DNAH2: variants seen among roughly 807,000 people sequenced by gnomAD.
DNAH2 encodes the protein dynein axonemal heavy chain 2.
A neutral mutation model predicts 523.5 loss-of-function variants in DNAH2; 323 were observed. The ratio of observed to expected loss-of-function variants is 0.62; its 90% confidence interval spans 0.56 to 0.68. The LOEUF (loss-of-function observed/expected upper bound fraction) is 0.68, where lower values mean the gene tolerates loss of function less well. Among genes scored for constraint, DNAH2 ranks in the 30% least tolerant of loss-of-function variants. DNAH2 has a pLI of 0.00. For synonymous variants in DNAH2, 2,093 were observed against 2,177.4 expected (o/e 0.96, Z 1.08); for missense variants, 4,907 against 5,701.5 (o/e 0.86, Z 4.49).
intron 73 of DNAH2, 70 bp from the exon 74 acceptor site, chr17:7,823,372 G>GAGGAGA (rs1278464587): frequency 9.3e-7 from 1 of 1,071,890 alleles, no homozygotes; most frequent in East Asian, 2.7e-5. Context: ...AGAGAGAGAG[G>GAGGAGA]AGAAAAAGAT....
intron 44 of DNAH2, among the ~76,000 whole-genome samples, chr17:7,790,612 C>T (rs926115955): frequency 4.6e-5 from 7 of 152,170 alleles, no homozygotes; most frequent in African/African-American, 1.7e-4. Context: ...AAGCTAAAGT[C>T]CTTTTTGTTC....
intron 55 of DNAH2, 57 bp from the exon 56 acceptor site, chr17:7,799,046 C>G (rs1218587555): frequency 1.3e-6 from 2 of 1,594,616 alleles, no homozygotes; most frequent in Non-Finnish European, 1.7e-6. Flanking sequence ...ACCCGCTGCC[C>G]CCGCTGATTC....
In DNAH2 at chr17:7,830,380, T is replaced by C. The variant is rs1406532613; in HGVS notation, c.11934T>C (p.Tyr3978=). ...QFSRCSKPAK[Y]KKLLFSLCFF... ...CCCGCTGCTCCAAACCTGCCAAATA[T>C]AAGAAGCTGCTGTTTTCACTCTGTT... Residue 3978 remains tyrosine, a synonymous_variant, in exon 78 of 86, where the codon TAT becomes TAC. Coordinates refer to ENST00000572933, the MANE Select transcript of DNAH2 (RefSeq NM_020877.5). 1.9e-6 allele frequency: 3 copies of C among 1,614,236 alleles called. No individual in the cohort carries two copies. The highest frequency in any genetic ancestry group is 1.1e-5 in the South Asian group (1 of 91,088).
At position 7,805,544 on chromosome 17, in the gene DNAH2, A is replaced by G; in HGVS notation, c.9442+151A>G. 5 of 1,209,382 alleles carry G rather than the reference A, an allele frequency of 4.1e-6. No individual in the cohort carries two copies. In the South Asian group the frequency reaches 6.0e-5, roughly 15 times the overall value. 74.9% of individuals were successfully genotyped at this position (1,209,382 alleles called of 1,614,324 possible). A position where few individuals can be genotyped will look rare whatever the true frequency, so the allele number is the denominator to read the frequency against. On this transcript the variant is annotated intron_variant, in intron 61 of 85. Coordinates refer to ENST00000572933, the MANE Select transcript of DNAH2 (RefSeq NM_020877.5). ...GCCTAGTAGAAAGGAGACCGCATGA[A>G]TATCAGTTAAGGTTCTTTGGTTGTG...
Position 7,795,751 on chromosome 17 carries a change from C to T in DNAH2, c.7675-713C>T, listed in dbSNP as rs1335991872. Among the ~76,000 whole-genome samples, 5 of 147,634 alleles carry T rather than the reference C, an allele frequency of 3.4e-5. No individual in the cohort carries two copies. The East Asian group carries it at 9.8e-4, about 29-fold the overall frequency. ...GTAGCTCTCGCCTGTAATCCCAGCA[C>T]TTTGGGAGGCCAAAGCAGGTGGATC... On this transcript the variant is annotated intron_variant, in intron 49 of 85. Transcript: ENST00000572933.
In DNAH2 at chr17:7,786,311, G is replaced by T; in HGVS notation, c.6317G>T (p.Arg2106Leu). The change falls in exon 40 of 86, where the codon CGC becomes CTC. Residue 2106 changes from arginine (R) to leucine (L), a missense_variant. Coordinates refer to ENST00000572933, the MANE Select transcript of DNAH2 (RefSeq NM_020877.5). The surrounding 1 kb of genome is among the most constrained non-coding windows in gnomAD (Gnocchi z 7.5). The part of the protein sequence containing the change: ...ILQASLSSLC[R>L]AGDPNFNIVR... ...CAGGCCTCCCTGTCCTCTCTGTGCC[G>T]CGCCGGAGACCCTAACTTCAACATT... is the stretch of plus-strand genomic sequence containing the variant. The T allele has an allele frequency of 6.2e-7, 1 of 1,613,432 alleles. No individual in the cohort carries two copies.
intron 50 of DNAH2, 59 bp from the exon 51 acceptor site, chr17:7,797,117 A>T: frequency 6.7e-7 from 1 of 1,500,254 alleles, no homozygotes; most frequent in Non-Finnish European, 9.1e-7. Flanking sequence ...AAAAAAAAAA[A>T]AAAACTTCTG....
intron 74 of DNAH2, 27 bp from the exon 75 acceptor site, chr17:7,823,806 TC>T (rs2077937075): frequency 2.5e-6 from 4 of 1,610,756 alleles, no homozygotes; most frequent in Non-Finnish European, 3.4e-6. Flanking sequence ...TCACTCCCTC[TC>T]CCTGCAATGA....
chr17:7,818,001 C>T lies in DNAH2; in HGVS notation c.10292C>T (p.Ala3431Val), dbSNP rs369546788. ...GATTACCTGCGAATCCTAGAACACG[C>T]CATTCACTTTGGATACCCGGTGCTA... ...MSDYLRILEH[A>V]IHFGYPVLLQ... The change falls in exon 68 of 86, where the codon GCC becomes GTC. Residue 3431 changes from alanine to valine, a missense_variant. This residue lies in a region of DNAH2 where 1,851 missense variants were observed against 2,139.4 expected (regional missense o/e 0.87). Transcript: ENST00000572933. 1.1e-5 allele frequency: 18 copies of T among 1,614,032 alleles called. No individual in the cohort carries two copies. Among genetic ancestry groups the T allele is most frequent in the Middle Eastern group, 1.6e-4 (1 of 6,084 alleles).
At chr17:7,784,257 A>G (rs1331039269) in intron 39 of DNAH2, among the ~76,000 whole-genome samples, 1 of 152,240 alleles carries the variant, frequency 6.6e-6, no homozygotes, top group African/African-American at 2.4e-5. Context: ...CAAATCTAGT[A>G]TCATAGTGGA....
intron 68 of DNAH2, 43 bp from the exon 69 acceptor site, chr17:7,818,269 C>A: frequency 6.2e-7 from 1 of 1,610,170 alleles, no homozygotes; most frequent in Non-Finnish European, 8.5e-7. Context: ...TAGCTGGTAC[C>A]CATCACATGG....
intron 24 of DNAH2, among the ~76,000 whole-genome samples, chr17:7,769,013 G>A (rs1002797927): frequency 6.6e-6 from 1 of 152,088 alleles, no homozygotes. Flanking sequence ...AACATGTGGC[G>A]CAGACACCAA....
rs1785786103 is a variant in DNAH2, at chr17:7,765,388, CAGGTCCTGG to C, written c.3337_3345del (p.Val1113_Glu1115del). On this transcript the variant is annotated splice_acceptor_variant and coding_sequence_variant, in exon 21 of 86. Transcript: ENST00000572933. LOFTEE classifies it high-confidence loss of function. ...GTCATCCTCCACTCTCTGACTCCCCCAGGTCCTGGAGATGCTGGACAGTCTCAACGGGGA... is the reference window on the plus strand; with the variant it reads ...GTCATCCTCCACTCTCTGACTCCCCCAGATGCTGGACAGTCTCAACGGGGA... 6.2e-7 allele frequency: 1 copy of C among 1,611,220 alleles called. No homozygotes were observed. Among genetic ancestry groups the C allele is most frequent in the South Asian group, 1.1e-5 (1 of 90,592 alleles).
At position 7,798,950 on chromosome 17, in the gene DNAH2, C is replaced by T. The variant is rs944943666; in HGVS notation, c.8560-153C>T. ...GCTTGAGCTTGTAGTTCCAGCTACT[C>T]GGGGGTGGGGGGTGCTGAAGTGGGA... On this transcript the variant is annotated intron_variant, in intron 55 of 85. Coordinates refer to ENST00000572933, the MANE Select transcript of DNAH2 (RefSeq NM_020877.5). The surrounding 1 kb of genome is among the most constrained non-coding windows in gnomAD (Gnocchi z 5.5). Among the ~76,000 whole-genome samples the T allele has an allele frequency of 2.6e-5, 4 of 152,132 alleles. No individual in the cohort carries two copies. Among genetic ancestry groups the T allele is most frequent in the African/African-American group, 4.8e-5 (2 of 41,418 alleles).
chr17:7,770,732 T>G (rs1259769720), intron 26 of DNAH2, 21 bp from the exon 27 acceptor site: 2 of 1,613,996 alleles, frequency 1.2e-6, no homozygotes, highest in Admixed American at 1.7e-5. Flanking sequence ...TGAACTATGA[T>G]TTTGACCCCT....
rs200691501 is a variant in DNAH2, at chr17:7,799,219, C to T, written c.8676C>T (p.Leu2892=). The T allele has an allele frequency of 5.0e-6, 8 of 1,614,268 alleles. No individual in the cohort carries two copies. The highest frequency in any genetic ancestry group is 6.8e-6 in the Non-Finnish European group (8 of 1,180,052). The change falls in exon 56 of 86, where the codon CTC becomes CTT. Residue 2892 remains leucine, a synonymous_variant. Coordinates refer to ENST00000572933, the MANE Select transcript of DNAH2 (RefSeq NM_020877.5). ...VQNNLHIVLC[L]SPMGDPFRNW... is the part of the protein sequence containing the mutation. ...ACAACCTGCACATCGTGCTCTGCCT[C>T]AGCCCCATGGGGGATCCCTTCAGGT...
In DNAH2 at chr17:7,770,280, C is replaced by T. The variant is rs2076278836; in HGVS notation, c.3970C>T (p.Gln1324Ter). The change falls in exon 25 of 86, where the codon CAG (glutamine) becomes TAG (stop). Residue 1324 changes from glutamine (Q) to a stop codon, truncating the protein, a stop_gained. Transcript: ENST00000572933. LOFTEE classifies it high-confidence loss of function. ...CTGGGACCAGGTCCGGGATGAGATCCAGCGGGAGTTTGATCAGGAATCTGA... is the reference window on the plus strand; with the variant it reads ...CTGGGACCAGGTCCGGGATGAGATCTAGCGGGAGTTTGATCAGGAATCTGA... ...RHWDQVRDEI[Q>*]REFDQESESF... 1 of 1,612,408 alleles carries T rather than the reference C, an allele frequency of 6.2e-7. No homozygotes were observed. Among genetic ancestry groups the T allele is most frequent in the African/African-American group, 1.3e-5 (1 of 74,888 alleles).
chr17:7,826,487 G>A (rs1020665925), intron 77 of DNAH2, among the ~76,000 whole-genome samples: 1 of 150,746 alleles, frequency 6.6e-6, no homozygotes, highest in Non-Finnish European at 1.5e-5. Context: ...TAAAATATAT[G>A]CAAGTTATAA....
At position 7,792,663 on chromosome 17, in the gene DNAH2, C is replaced by A. The variant is rs1347519122; in HGVS notation, c.7152C>A (p.Pro2384=). 1.2e-6 allele frequency: 2 copies of A among 1,613,850 alleles called. No homozygotes were observed. The highest frequency in any genetic ancestry group is 1.7e-6 in the Non-Finnish European group (2 of 1,179,954). Reference sequence around the variant, plus strand: ...GGCCCCTGCTCTTCCCTAGCGCCCCCTTCTATAAGATCATGGTGCCCACCG... The same window carrying A: ...GGCCCCTGCTCTTCCCTAGCGCCCCATTCTATAAGATCATGGTGCCCACCG... ...PKSWRYPPNA[P]FYKIMVPTVD... The change falls in exon 47 of 86, where the codon CCC becomes CCA. Residue 2384 remains proline, a synonymous_variant. Coordinates refer to ENST00000572933, the MANE Select transcript of DNAH2 (RefSeq NM_020877.5).
Sources: gnomAD v4.1 joint callset for allele counts (sites outside exome capture counted in the v4.1 genomes callset) on GRCh38, gnomAD v4.1.1 for gene constraint, gnomAD v4.1.1 regional missense constraint, Gnocchi (gnomAD v3.1) non-coding constraint, MANE v1.5 for transcripts, NCBI Gene and HGNC (gene_info 2026-07-23, HGNC 2026-07-21) for gene names.